The following RGS6 variants were observed in gnomAD, a reference collection of about 807,000 sequenced individuals.
RGS6 encodes regulator of G-protein signaling 6.
RGS6 carries 30 observed loss-of-function variants against 78.5 expected under a neutral mutation model. The ratio of observed to expected loss-of-function variants is 0.38; its 90% CI spans 0.29 to 0.52. The LOEUF (loss-of-function observed/expected upper bound fraction) is 0.52, where lower values mean the gene tolerates loss of function less well. RGS6 is among the 20% of genes least tolerant of loss of function. The pLI is 0.85. For synonymous variants in RGS6, 206 were observed against 206.0 expected, an observed-to-expected ratio of 1.00 and a Z score of 0.00; for missense variants, 495 against 609.7, an observed-to-expected ratio of 0.81 and a Z score of 1.98.
chr14:72,176,710 G>T (rs1454688580), intron 2 of RGS6, among the ~76,000 whole-genome samples: 3 of 152,180 alleles, frequency 2.0e-5, no homozygotes, highest in Non-Finnish European at 1.5e-5. Context: ...TGAATAGAAA[G>T]ATTATTTTAA....
At chr14:72,622,223 A>G in the RGS6 span, among the ~76,000 whole-genome samples, 2 of 152,206 alleles carry the variant, frequency 1.3e-5, no homozygotes, top group Non-Finnish European at 2.9e-5. Context: ...CAAGGACCCA[A>G]AAGAGTTTAC....
intron 2 of RGS6, among the ~76,000 whole-genome samples, chr14:72,096,280 TAAA>T (rs34691700): frequency 6.9e-6 from 1 of 144,162 alleles, no homozygotes; most frequent in Non-Finnish European, 1.5e-5. Flanking sequence ...GACTCTGTCT[TAAA>T]AAAAAAAAAA....
chr14:72,479,015 CA>C (rs1005233512), intron 12 of RGS6, among the ~76,000 whole-genome samples: 6 of 152,174 alleles, frequency 3.9e-5, no homozygotes, highest in African/African-American at 1.4e-4. Flanking sequence ...CAGTAGTGAA[CA>C]TTTATTCATC....
At chr14:72,264,567 A>G (rs1218795378) in intron 2 of RGS6, among the ~76,000 whole-genome samples, 2 of 152,146 alleles carry the variant, frequency 1.3e-5, no homozygotes, top group Admixed American at 6.5e-5. Context: ...CTTGTTTGCA[A>G]CTCTCTATTT....
At chr14:72,126,892 C>T (rs1004113436) in intron 2 of RGS6, among the ~76,000 whole-genome samples, 7 of 152,152 alleles carry the variant, frequency 4.6e-5, no homozygotes, top group African/African-American at 1.7e-4. Context: ...TAAACCTCAT[C>T]CCCAACTCCA....
At chr14:72,222,225 G>A (rs981080822) in intron 2 of RGS6, among the ~76,000 whole-genome samples, 15 of 152,212 alleles carry the variant, frequency 9.9e-5, no homozygotes, top group Admixed American at 6.5e-4. Context: ...TGCTCTGCCT[G>A]TGATGACAAG....
At chr14:71,955,246 G>A (rs1301316398) in intron 1 of RGS6, among the ~76,000 whole-genome samples, 4 of 152,182 alleles carry the variant, frequency 2.6e-5, no homozygotes, top group Non-Finnish European at 1.5e-5. Context: ...CCCGGCTGGT[G>A]TGGTGGTAGG....
intron 17 of RGS6, among the ~76,000 whole-genome samples, chr14:72,556,760 A>T (rs2097583699): frequency 6.6e-6 from 1 of 152,150 alleles, no homozygotes; most frequent in East Asian, 1.9e-4. Flanking sequence ...ATTATTTTTT[A>T]AACAGGTTCA....
chr14:72,119,579 C>T (rs1213047447), intron 2 of RGS6, among the ~76,000 whole-genome samples: 2 of 152,230 alleles, frequency 1.3e-5, no homozygotes, highest in South Asian at 2.1e-4. Context: ...AAATAACAGT[C>T]ATATATACTC....
At chr14:72,413,009 AGGTGT>A (rs1193163813) in intron 3 of RGS6, among the ~76,000 whole-genome samples, 2 of 152,328 alleles carry the variant, frequency 1.3e-5, no homozygotes, top group African/African-American at 2.4e-5. Flanking sequence ...ATTTTGAAAT[AGGTGT>A]GGTGTGGTGC....
chr14:72,274,019 T>C (rs540324932), intron 2 of RGS6, among the ~76,000 whole-genome samples: 1 of 152,292 alleles, frequency 6.6e-6, no homozygotes, highest in East Asian at 1.9e-4. Context: ...ATTTCCTCAC[T>C]AGGAAACAGT....
intron 3 of RGS6, among the ~76,000 whole-genome samples, chr14:72,387,110 AAT>A (rs2088348834): frequency 6.6e-6 from 1 of 152,152 alleles, no homozygotes; most frequent in South Asian, 2.1e-4. Context: ...AGGGAGAAAA[AAT>A]ATGTATTTTG....
intron 2 of RGS6, among the ~76,000 whole-genome samples, chr14:72,020,838 A>G (rs1471462922): frequency 6.6e-6 from 1 of 152,204 alleles, no homozygotes; most frequent in African/African-American, 2.4e-5. Context: ...GGTAGAACAC[A>G]TCAGTAAACA....
At chr14:72,210,062 G>A (rs1330145760) in intron 2 of RGS6, among the ~76,000 whole-genome samples, 2 of 152,204 alleles carry the variant, frequency 1.3e-5, no homozygotes, top group Non-Finnish European at 2.9e-5. Context: ...CTCTTGTCTT[G>A]AAGGAGCTGA....
chr14:72,048,224 G>A lies in RGS6; in HGVS notation c.84+83349G>A, dbSNP rs183778508. Among the ~76,000 whole-genome samples, 142 of 152,236 alleles carry A rather than the reference G, an allele frequency of 9.3e-4. 1 individual carries two copies. The highest frequency in any genetic ancestry group is 2.7e-3 in the African/African-American group (111 of 41,544). On this transcript the variant is annotated intron_variant, in intron 2 of 17. Coordinates refer to ENST00000553525, the MANE Select transcript of RGS6 (RefSeq NM_001204424.2). ...CTTTAAATGTTTTCACTTTAACGGG[G>A]TTACCAAATCGCTCTTTAAACTTGA... is the stretch of plus-strand genomic sequence containing the variant.
At chr14:72,535,712 A>G (rs1250067686) in intron 15 of RGS6, among the ~76,000 whole-genome samples, 1 of 152,164 alleles carries the variant, frequency 6.6e-6, no homozygotes, top group Admixed American at 6.5e-5. Flanking sequence ...CTACTTCCTC[A>G]TCTCTAACCC....
chr14:72,140,180 G>A (rs1224060063), intron 2 of RGS6, among the ~76,000 whole-genome samples: 1 of 152,116 alleles, frequency 6.6e-6, no homozygotes, highest in African/African-American at 2.4e-5. Context: ...GAAGCTTCAT[G>A]GGCACCAGCA....
At chr14:72,119,006 G>A (rs2095980149) in intron 2 of RGS6, among the ~76,000 whole-genome samples, 1 of 152,006 alleles carries the variant, frequency 6.6e-6, no homozygotes, top group Admixed American at 6.6e-5. Context: ...TGTTTTTTTG[G>A]ATAGATATTA....
intron 2 of RGS6, among the ~76,000 whole-genome samples, chr14:72,264,766 A>T (rs750166985): frequency 3.3e-5 from 5 of 152,220 alleles, no homozygotes; most frequent in Non-Finnish European, 5.9e-5. Context: ...TCCCAGGGAC[A>T]TTGAGAGGGC....
Sources: allele counts gnomAD v4.1 joint callset (sites outside exome capture counted in the v4.1 genomes callset), GRCh38; gene constraint gnomAD v4.1.1; transcripts MANE v1.5; gene names NCBI Gene and HGNC (gene_info 2026-07-23, HGNC 2026-07-21).